The following KCND2 variants were observed in gnomAD, a reference collection of about 807,000 sequenced individuals.
KCND2 encodes the protein A-type voltage-gated potassium channel KCND2.
In KCND2, 16 loss-of-function variants were observed where a neutral mutation model predicts 54.4. The ratio of observed to expected loss-of-function variants is 0.29; its 90% CI spans 0.20 to 0.45. The LOEUF (loss-of-function observed/expected upper bound fraction) is 0.45, where lower values mean the gene tolerates loss of function less well. Ranked by LOEUF, KCND2 falls within the 20% of genes least tolerant of loss-of-function variation. The probability of loss-of-function intolerance (pLI) is 1.00; values close to 1 mark genes in which losing one functional copy is unlikely to be tolerated. For missense variants in KCND2, 486 were observed against 824.2 expected (o/e 0.59, Z 5.02); for synonymous variants, 317 against 310.7 (o/e 1.02, Z -0.21).
intron 1 of KCND2, among the ~76,000 whole-genome samples, chr7:120,370,682 C>G (rs1327418787): frequency 6.6e-6 from 1 of 151,880 alleles, no homozygotes. Context: ...AAAGAAGCTG[C>G]AAAGCACAGA....
intron 1 of KCND2, among the ~76,000 whole-genome samples, chr7:120,370,633 A>G (rs887532709): frequency 3.3e-5 from 5 of 152,182 alleles, no homozygotes; most frequent in Middle Eastern, 3.4e-3. Context: ...CACTCAAAAC[A>G]TCCTGTAAAG....
chr7:120,655,133 A>G (rs1162706068), intron 1 of KCND2, among the ~76,000 whole-genome samples: 1 of 152,094 alleles, frequency 6.6e-6, no homozygotes, highest in Non-Finnish European at 1.5e-5. Context: ...TCATTTTTAT[A>G]TTTAGAAAAA....
At chr7:120,348,874 A>G (rs980537659) in intron 1 of KCND2, among the ~76,000 whole-genome samples, 1 of 152,166 alleles carries the variant, frequency 6.6e-6, no homozygotes, top group Non-Finnish European at 1.5e-5. Flanking sequence ...TGTCCTTAGT[A>G]GGTAGGTGTC....
At chr7:120,610,462 G>T (rs1435879888) in intron 1 of KCND2, among the ~76,000 whole-genome samples, 1 of 152,062 alleles carries the variant, frequency 6.6e-6, no homozygotes, top group African/African-American at 2.4e-5. Flanking sequence ...CTCTTGGACT[G>T]GTGGACTAGT....
intron 1 of KCND2, among the ~76,000 whole-genome samples, chr7:120,399,828 C>A (rs1266634706): frequency 6.6e-6 from 1 of 151,780 alleles, no homozygotes; most frequent in Admixed American, 6.6e-5. Flanking sequence ...CAGGTTCAAG[C>A]AATTCTCCTG....
rs147563005 is a variant in KCND2, at chr7:120,669,497, T to C, written c.1116-63406T>C. ...TTGGTGCCCTGGATATATATAAATATAGCTATTTAACTACATATCCCAGCT... is the reference window on the plus strand; with the variant it reads ...TTGGTGCCCTGGATATATATAAATACAGCTATTTAACTACATATCCCAGCT... On this transcript the variant is annotated intron_variant, in intron 1 of 5. Transcript: ENST00000331113. 4.6e-3 allele frequency among the ~76,000 whole-genome samples: 707 copies of C among 152,218 alleles called. 5 individuals are homozygous for C. Among genetic ancestry groups the C allele is most frequent in the African/African-American group, 0.016 (680 of 41,550 alleles).
rs1056125347 is a variant in KCND2 at position 120,331,576 on chromosome 7, G to C, written c.1115+55829G>C. ...GGGAGGTATGAGAAAAGTAAATTTTGCTGGCATATACCATATTAGCAGAAA... is the reference window on the plus strand; with the variant it reads ...GGGAGGTATGAGAAAAGTAAATTTTCCTGGCATATACCATATTAGCAGAAA... On this transcript the variant is annotated intron_variant, in intron 1 of 5. Coordinates refer to ENST00000331113, the MANE Select transcript of KCND2 (RefSeq NM_012281.3). Among the ~76,000 whole-genome samples the C allele has an allele frequency of 7.2e-5, 11 of 152,044 alleles. 1 individual carries two copies. The highest frequency in any genetic ancestry group is 6.8e-3 in the Middle Eastern group (2 of 294).
At chr7:120,367,142 A>T (rs1800697496) in intron 1 of KCND2, among the ~76,000 whole-genome samples, 1 of 152,150 alleles carries the variant, frequency 6.6e-6, no homozygotes, top group Admixed American at 6.6e-5. Context: ...GGTGGTTGTC[A>T]TACACCTGCT....
At chr7:120,699,530 C>T (rs893634172) in intron 1 of KCND2, among the ~76,000 whole-genome samples, 17 of 151,958 alleles carry the variant, frequency 1.1e-4, no homozygotes, top group African/African-American at 4.1e-4. Context: ...ATATTAAACA[C>T]AAGTATTAAG....
intron 1 of KCND2, among the ~76,000 whole-genome samples, chr7:120,402,640 C>G (rs930024586): frequency 1.3e-5 from 2 of 151,990 alleles, no homozygotes; most frequent in South Asian, 4.2e-4. Context: ...TTTTTCATTT[C>G]CCTCTAAAGA....
chr7:120,608,424 G>A (rs1029709076), intron 1 of KCND2, among the ~76,000 whole-genome samples: 3 of 152,104 alleles, frequency 2.0e-5, no homozygotes, highest in Admixed American at 2.0e-4. Flanking sequence ...AGAAAAAAAT[G>A]TAATGGTATT....
intron 1 of KCND2, among the ~76,000 whole-genome samples, chr7:120,348,195 A>C (rs74936296): frequency 0.019 from 2,847 of 152,258 alleles, 42 homozygotes; most frequent in South Asian, 0.048. Flanking sequence ...TTTGATTCCA[A>C]ATATCATAGA....
chr7:120,336,642 A>G (rs565953075), intron 1 of KCND2, among the ~76,000 whole-genome samples: 8 of 152,264 alleles, frequency 5.3e-5, no homozygotes, highest in Admixed American at 3.9e-4. Flanking sequence ...TAGAGATAGC[A>G]TTATTCCAGT....
chr7:120,719,271 G>C (rs1792639699), intron 1 of KCND2, among the ~76,000 whole-genome samples: 1 of 152,090 alleles, frequency 6.6e-6, no homozygotes, highest in Non-Finnish European at 1.5e-5. Context: ...ATGTACTTCT[G>C]CTGTTTCAAG....
chr7:120,288,662 C>G (rs1799384997), intron 1 of KCND2, among the ~76,000 whole-genome samples: 1 of 152,012 alleles, frequency 6.6e-6, no homozygotes. Flanking sequence ...TTACAAAAGG[C>G]TGATTGAAGA....
chr7:120,326,106 T>C (rs1486875515), intron 1 of KCND2, among the ~76,000 whole-genome samples: 1 of 152,220 alleles, frequency 6.6e-6, no homozygotes, highest in South Asian at 2.1e-4. Context: ...TATTAAAATA[T>C]CATTGTATAG....
chr7:120,698,160 A>C (rs971078683), intron 1 of KCND2, among the ~76,000 whole-genome samples: 2 of 150,908 alleles, frequency 1.3e-5, no homozygotes, highest in African/African-American at 2.4e-5. Context: ...GATTATAGGC[A>C]TGTACTACCA....
At chr7:120,690,397 C>T (rs986027383) in intron 1 of KCND2, among the ~76,000 whole-genome samples, 1 of 152,080 alleles carries the variant, frequency 6.6e-6, no homozygotes, top group Non-Finnish European at 1.5e-5. Flanking sequence ...GAGGTCCTGA[C>T]CTTAAGTATT....
At chr7:120,633,049 A>G (rs535509160) in intron 1 of KCND2, among the ~76,000 whole-genome samples, 120 of 152,342 alleles carry the variant, frequency 7.9e-4, no homozygotes, top group Non-Finnish European at 1.2e-3. Flanking sequence ...TTGATCAACC[A>G]TTGTTAATCA....
Sources: gnomAD v4.1 joint callset for allele counts (sites outside exome capture counted in the v4.1 genomes callset) on GRCh38, gnomAD v4.1.1 for gene constraint, MANE v1.5 for transcripts, NCBI Gene and HGNC (gene_info 2026-07-23, HGNC 2026-07-21) for gene names.